The following BMPR1A variants were observed in gnomAD, a reference collection of about 807,000 sequenced individuals.
BMPR1A encodes bone morphogenetic protein receptor type 1A, also known as bone morphogenetic protein receptor type-1A.
Under a neutral mutation model 66.0 loss-of-function variants are expected in BMPR1A, and 7 were observed. That is an observed-to-expected ratio of 0.11 (90% confidence interval 0.06 to 0.20). The LOEUF (loss-of-function observed/expected upper bound fraction) is 0.20. BMPR1A is among the 10% of genes least tolerant of loss of function. The probability of loss-of-function intolerance (pLI) is 1.00; values close to 1 mark genes in which losing one functional copy is unlikely to be tolerated. For synonymous variants in BMPR1A, 200 were observed against 229.7 expected, an observed-to-expected ratio of 0.87 and a Z score of 1.17; for missense variants, 408 against 669.1, an observed-to-expected ratio of 0.61 and a Z score of 4.31.
chr10:86,760,458 A>C (rs973331399), intron 1 of BMPR1A, among the ~76,000 whole-genome samples: 1 of 151,668 alleles, frequency 6.6e-6, no homozygotes, highest in African/African-American at 2.4e-5. Context: ...GGCTGGTCTT[A>C]AACTCCTGAC....
At chr10:86,780,463 C>G (rs965501038) in intron 1 of BMPR1A, among the ~76,000 whole-genome samples, 1 of 151,940 alleles carries the variant, frequency 6.6e-6, no homozygotes, top group Non-Finnish European at 1.5e-5. Flanking sequence ...GAGACGGAGT[C>G]TTGCTCTGTC....
At chr10:86,799,423 C>G (rs144873116) in intron 1 of BMPR1A, among the ~76,000 whole-genome samples, 9 of 152,106 alleles carry the variant, frequency 5.9e-5, no homozygotes, top group Non-Finnish European at 1.2e-4. Context: ...CTACTGATAA[C>G]TACTTTTTTT....
chr10:86,817,292 A>G (rs529455926), intron 1 of BMPR1A, among the ~76,000 whole-genome samples: 1 of 152,246 alleles, frequency 6.6e-6, no homozygotes, highest in South Asian at 2.1e-4. Context: ...GATTCTACTG[A>G]TGTCTCTATG....
chr10:86,913,084 T>A (rs1047273219), intron 8 of BMPR1A, among the ~76,000 whole-genome samples: 1 of 152,030 alleles, frequency 6.6e-6, no homozygotes, highest in African/African-American at 2.4e-5. Flanking sequence ...TTGTATTAGT[T>A]GAAAGAAACT....
At chr10:86,855,732 G>T in intron 2 of BMPR1A, 1 of 873,366 alleles carries the variant, frequency 1.1e-6, no homozygotes, top group South Asian at 1.8e-5. Context: ...TTAGCTTTGA[G>T]ACCAGCTTTC....
intron 1 of BMPR1A, among the ~76,000 whole-genome samples, chr10:86,820,401 G>T (rs1842105827): frequency 1.3e-5 from 2 of 150,262 alleles, no homozygotes; most frequent in Admixed American, 1.3e-4. Context: ...AGAGAAGCTA[G>T]AGGGTACCAA....
rs879569249 is a variant in BMPR1A at position 86,925,719 on chromosome 10, A to ACCTTTTTTT, written c.*2000_*2001insCCTTTTTTT. 3.2e-5 allele frequency: 4 copies of ACCTTTTTTT among 123,500 alleles called. No homozygotes were observed. The highest frequency in any genetic ancestry group is 8.1e-5 in the Admixed American group (1 of 12,340). The allele number at this position is 123,500 out of a possible 1,614,324, so 7.7% of individuals were successfully genotyped here. A position where few individuals can be genotyped will look rare whatever the true frequency, so the allele number is the denominator to read the frequency against. ...ACCATAATCTTTAAAATCATTTGTCATCTTTTTTTTTTTTTTTTTGAGACG... is the reference window on the plus strand; with the variant it reads ...ACCATAATCTTTAAAATCATTTGTCACCTTTTTTTTCTTTTTTTTTTTTTTTTTGAGACG... On this transcript the variant is annotated 3_prime_UTR_variant, in exon 13 of 13. Transcript: ENST00000372037.
At chr10:86,806,168 T>C (rs1841887097) in intron 1 of BMPR1A, among the ~76,000 whole-genome samples, 1 of 152,212 alleles carries the variant, frequency 6.6e-6, no homozygotes, top group Non-Finnish European at 1.5e-5. Flanking sequence ...GACGTGTCCT[T>C]CTAGGGTATC....
At chr10:86,869,196 C>T (rs1275799519) in intron 2 of BMPR1A, among the ~76,000 whole-genome samples, 1 of 152,174 alleles carries the variant, frequency 6.6e-6, no homozygotes, top group South Asian at 2.1e-4. Context: ...GTGGCTCACA[C>T]CTGTAATCCC....
intron 1 of BMPR1A, among the ~76,000 whole-genome samples, chr10:86,838,135 T>C (rs1426462758): frequency 2.0e-5 from 3 of 152,142 alleles, no homozygotes; most frequent in Non-Finnish European, 4.4e-5. Flanking sequence ...CTTTAGAAAT[T>C]TTTTTATGAC....
At chr10:86,833,812 G>C (rs1842305832) in intron 1 of BMPR1A, among the ~76,000 whole-genome samples, 1 of 152,108 alleles carries the variant, frequency 6.6e-6, no homozygotes, top group Non-Finnish European at 1.5e-5. Context: ...CTGTTCCTAA[G>C]TCACCCTATC....
chr10:86,810,969 A>T (rs1841961892), intron 1 of BMPR1A, among the ~76,000 whole-genome samples: 1 of 149,842 alleles, frequency 6.7e-6, no homozygotes, highest in Non-Finnish European at 1.5e-5. Context: ...CGGGTCTTAA[A>T]CTCCTGATCT....
At chr10:86,858,355 T>A (rs1483314401) in intron 2 of BMPR1A, among the ~76,000 whole-genome samples, 2 of 152,236 alleles carry the variant, frequency 1.3e-5, no homozygotes, top group African/African-American at 4.8e-5. Flanking sequence ...AAACTTATTA[T>A]TTTGTTCTTC....
At chr10:86,915,200 ATTTT>A (rs553875864) in intron 8 of BMPR1A, among the ~76,000 whole-genome samples, 1 of 151,136 alleles carries the variant, frequency 6.6e-6, no homozygotes, top group Admixed American at 6.6e-5. Context: ...TAATTTTTGT[ATTTT>A]TTTTTAAGTA....
chr10:86,830,605 C>T (rs914591869), intron 1 of BMPR1A, among the ~76,000 whole-genome samples: 2 of 152,072 alleles, frequency 1.3e-5, no homozygotes, highest in South Asian at 2.1e-4. Flanking sequence ...TTTTCATGCG[C>T]GTATTTGCCG....
At position 86,876,131 on chromosome 10, in the gene BMPR1A, C is replaced by T. The variant is rs73351703; in HGVS notation, c.67+46C>T. The stretch of plus-strand genomic sequence containing the variant: ...GTAATGTATGTGTGTATATAAAAAG[C>T]ACTATTTCTTGCTTCTGTTCTTTCA... On this transcript the variant is annotated intron_variant, in intron 3 of 12. Coordinates refer to ENST00000372037, the MANE Select transcript of BMPR1A (RefSeq NM_004329.3). The T allele has an allele frequency of 3.2e-3, 4,953 of 1,535,090 alleles. 137 individuals are homozygous for T. In the African/African-American group the frequency reaches 0.061, roughly 19 times the overall value.
intron 1 of BMPR1A, among the ~76,000 whole-genome samples, chr10:86,797,069 T>TTTTTTC (rs150311777): frequency 0.27 from 23,713 of 87,246 alleles, 3,116 homozygotes; most frequent in East Asian, 0.69. Flanking sequence ...TTTTCTTTTC[T>TTTTTTC]TTTTTTTTTT....
chr10:86,759,948 C>T (rs911694433), intron 1 of BMPR1A, among the ~76,000 whole-genome samples: 2 of 151,736 alleles, frequency 1.3e-5, no homozygotes, highest in African/African-American at 4.8e-5. Flanking sequence ...TTGGCTTTCA[C>T]GTAGTTCTCC....
intron 3 of BMPR1A, 118 bp downstream of exon 3, chr10:86,876,203 T>C: frequency 1.1e-6 from 1 of 949,818 alleles, no homozygotes; most frequent in Non-Finnish European, 1.7e-6. Context: ...AGGGCAGCTT[T>C]TAGGAAAGAA....
Sources: allele counts gnomAD v4.1 joint callset (sites outside exome capture counted in the v4.1 genomes callset), GRCh38; gene constraint gnomAD v4.1.1; transcripts MANE v1.5; gene names NCBI Gene and HGNC (gene_info 2026-07-23, HGNC 2026-07-21).